ATP2B1: variants seen among roughly 807,000 people sequenced by gnomAD.
ATP2B1 encodes the protein plasma membrane calcium-transporting ATPase 1.
ATP2B1 carries 14 observed loss-of-function variants against 124.2 expected under a neutral mutation model. That is an observed-to-expected ratio of 0.11 (90% confidence interval 0.07 to 0.18). ATP2B1 has a LOEUF of 0.18. Ranked by LOEUF, ATP2B1 falls within the 10% of genes least tolerant of loss-of-function variation. The pLI, the probability that ATP2B1 is intolerant of heterozygous loss-of-function variation, is 1.00. For synonymous variants in ATP2B1, 449 were observed against 492.4 expected (o/e 0.91, Z 1.17); for missense variants, 763 against 1,466.1 (o/e 0.52, Z 7.83).
chr12:89,650,758 T>C (rs1338388266), intron 2 of ATP2B1, among the ~76,000 whole-genome samples: 1 of 152,190 alleles, frequency 6.6e-6, no homozygotes, highest in Non-Finnish European at 1.5e-5. Context: ...GAGGCCTGTA[T>C]ACCAGAAACC....
At chr12:89,643,120 ATACACGTATATATG>A (rs1883863613) in intron 2 of ATP2B1, among the ~76,000 whole-genome samples, 2 of 150,204 alleles carry the variant, frequency 1.3e-5, no homozygotes, top group African/African-American at 4.9e-5. Flanking sequence ...ATATACGTAT[ATACACGTATATATG>A]TATATACACG....
At position 89,588,088 on chromosome 12, in the gene ATP2B1, A is replaced by G. The variant is rs1258878452; in HGVS notation, c.*2896T>C. On this transcript the variant is annotated 3_prime_UTR_variant, in exon 21 of 21. Transcript: ENST00000428670. ...AACAGTATATTTATTAAATGAGTTAAGACAAATAAACTTTACAAATAGACA... is the reference window on the plus strand; with the variant it reads ...AACAGTATATTTATTAAATGAGTTAGGACAAATAAACTTTACAAATAGACA... 6.6e-6 allele frequency: 1 copy of G among 152,658 alleles called. No individual in the cohort carries two copies. Among genetic ancestry groups the G allele is most frequent in the Non-Finnish European group, 1.5e-5 (1 of 68,030 alleles). 9.5% of individuals were successfully genotyped at this position (152,658 alleles called of 1,614,324 possible). A position where few individuals can be genotyped will look rare whatever the true frequency, so the allele number is the denominator to read the frequency against.
At chr12:89,655,419 T>C (rs1053433059) in intron 2 of ATP2B1, among the ~76,000 whole-genome samples, 2 of 152,166 alleles carry the variant, frequency 1.3e-5, no homozygotes, top group South Asian at 4.1e-4. Context: ...CTTTTTATCA[T>C]AAACAGGAAG....
At chr12:89,672,148 TTTC>T (rs1388984278) in intron 1 of ATP2B1, among the ~76,000 whole-genome samples, 1 of 152,248 alleles carries the variant, frequency 6.6e-6, no homozygotes, top group Non-Finnish European at 1.5e-5. Context: ...TGGTTTCATT[TTTC>T]TTATGTGTAA....
rs552273588 is a variant in ATP2B1 at position 89,672,795 on chromosome 12, C to A, written c.-221-16688G>T. 1.6e-4 allele frequency among the ~76,000 whole-genome samples: 25 copies of A among 152,280 alleles called. No homozygotes were observed. The South Asian group carries it at 3.5e-3, about 21-fold the overall frequency. On this transcript the variant is annotated intron_variant, in intron 1 of 20. Coordinates refer to ENST00000428670, the MANE Select transcript of ATP2B1 (RefSeq NM_001366521.1). Reference sequence around the variant, plus strand: ...ATAGATTTATATTTATAAACACTACCTGTACCCTTCATTACCCAACTACTG... The same window carrying A: ...ATAGATTTATATTTATAAACACTACATGTACCCTTCATTACCCAACTACTG...
intron 19 of ATP2B1, among the ~76,000 whole-genome samples, 187 bp from the exon 20 acceptor site, chr12:89,599,486 G>T (rs1170307319): frequency 6.6e-6 from 1 of 152,088 alleles, no homozygotes. Flanking sequence ...CTACACAAAA[G>T]ATTTGAGTTT....
At chr12:89,593,224 A>T (rs1873929464) in intron 20 of ATP2B1, 1 of 152,110 alleles carries the variant, frequency 6.6e-6, no homozygotes, top group Non-Finnish European at 1.5e-5. Flanking sequence ...ACATGTGAAC[A>T]TTCAGCAAGT....
At chr12:89,665,597 A>G (rs968562753) in intron 1 of ATP2B1, among the ~76,000 whole-genome samples, 1 of 152,232 alleles carries the variant, frequency 6.6e-6, no homozygotes, top group Non-Finnish European at 1.5e-5. Context: ...AGAACATACT[A>G]TATCTCCAGT....
rs1441543485 is a variant in ATP2B1, at chr12:89,708,690, A to G, written c.-316T>C. On this transcript the variant is annotated 5_prime_UTR_variant, in exon 1 of 21. Transcript: ENST00000428670. ...TAAGGGGCAGCGGGAAACGCAGAGGATGGGGGCTCCGTCCTCAGCGCGTCC... is the reference window on the plus strand; with the variant it reads ...TAAGGGGCAGCGGGAAACGCAGAGGGTGGGGGCTCCGTCCTCAGCGCGTCC... 1 of 151,602 alleles carries G rather than the reference A, an allele frequency of 6.6e-6. No homozygotes were observed. The highest frequency in any genetic ancestry group is 6.6e-5 in the Admixed American group (1 of 15,244). The allele number at this position is 151,602 out of a possible 1,614,324, so 9.4% of individuals were successfully genotyped here. A position where few individuals can be genotyped will look rare whatever the true frequency, so the allele number is the denominator to read the frequency against.
rs780881059 is a variant in ATP2B1, at chr12:89,608,514, TA to T, written c.2442+1422del. On this transcript the variant is annotated intron_variant, in intron 15 of 20. Transcript: ENST00000428670. ...AATTTAGACTTTTGATGTTATCATTTAAAAAAAAAAAAAGTGGTATAACTGG... is the reference window on the plus strand; with the variant it reads ...AATTTAGACTTTTGATGTTATCATTTAAAAAAAAAAAAGTGGTATAACTGG... 5.0e-3 allele frequency among the ~76,000 whole-genome samples: 715 copies of T among 142,214 alleles called. 2 individuals are homozygous for T. The highest frequency in any genetic ancestry group is 7.4e-3 in the Admixed American group (106 of 14,256). The allele number at this position is 142,214 out of a possible 152,430, so 93.3% of individuals were successfully genotyped here. A position where few individuals can be genotyped will look rare whatever the true frequency, so the allele number is the denominator to read the frequency against.
At chr12:89,662,312 T>A (rs952069447) in intron 1 of ATP2B1, among the ~76,000 whole-genome samples, 2 of 152,140 alleles carry the variant, frequency 1.3e-5, no homozygotes, top group African/African-American at 2.4e-5. Context: ...ACTGTAAACT[T>A]AAATATAAGT....
intron 1 of ATP2B1, among the ~76,000 whole-genome samples, chr12:89,707,613 G>A (rs927326817): frequency 6.6e-6 from 1 of 152,150 alleles, no homozygotes; most frequent in Non-Finnish European, 1.5e-5. Flanking sequence ...TCAGCCTGTC[G>A]AGGAGGGTCG....
Position 89,610,050 on chromosome 12 carries a change from T to A in ATP2B1, c.2336-7A>T. ...ACAGTGCTGTCAATTATACCTTAAA[T>A]ACAAGCAAATATTTGTGTTATAAAA... On this transcript the variant is annotated splice_polypyrimidine_tract_variant and splice_region_variant and intron_variant, in intron 14 of 20. Coordinates refer to ENST00000428670, the MANE Select transcript of ATP2B1 (RefSeq NM_001366521.1). 6.2e-7 allele frequency: 1 copy of A among 1,602,166 alleles called. No homozygotes were observed. Among genetic ancestry groups the A allele is most frequent in the Admixed American group, 1.7e-5 (1 of 59,618 alleles).
chr12:89,696,972 C>T (rs1206218511), intron 1 of ATP2B1, among the ~76,000 whole-genome samples: 1 of 139,574 alleles, frequency 7.2e-6, no homozygotes, highest in African/African-American at 2.7e-5. Context: ...GGCATGTTAA[C>T]AAAAGAACAT....
intron 1 of ATP2B1, among the ~76,000 whole-genome samples, chr12:89,696,699 A>G (rs1891176131): frequency 6.6e-6 from 1 of 152,200 alleles, no homozygotes; most frequent in Non-Finnish European, 1.5e-5. Context: ...TCTAACTGGT[A>G]AAAAGGTTAT....
At chr12:89,646,378 G>A (rs1193742587) in intron 2 of ATP2B1, among the ~76,000 whole-genome samples, 1 of 152,070 alleles carries the variant, frequency 6.6e-6, no homozygotes, top group Non-Finnish European at 1.5e-5. Flanking sequence ...AGACAAGAAG[G>A]GAGCTAGGCT....
intron 2 of ATP2B1, 116 bp from the exon 3 acceptor site, chr12:89,642,471 C>T: frequency 9.9e-7 from 1 of 1,005,448 alleles, no homozygotes; most frequent in African/African-American, 1.6e-5. Flanking sequence ...TGTTTACTTT[C>T]ATGCTTTAAG....
intron 1 of ATP2B1, among the ~76,000 whole-genome samples, chr12:89,678,017 C>CAT (rs1457710792): frequency 1.5e-5 from 2 of 137,680 alleles, no homozygotes; most frequent in African/African-American, 2.8e-5. Context: ...CACACACACA[C>CAT]ATATACAGAA....
At chr12:89,613,771 T>G (rs1460417670) in intron 12 of ATP2B1, among the ~76,000 whole-genome samples, 2 of 152,208 alleles carry the variant, frequency 1.3e-5, no homozygotes, top group East Asian at 3.8e-4. Context: ...ATTTATTAAC[T>G]GCCTACTAGT....
Sources: gnomAD v4.1 joint callset for allele counts (sites outside exome capture counted in the v4.1 genomes callset) on GRCh38, gnomAD v4.1.1 for gene constraint, MANE v1.5 for transcripts, NCBI Gene and HGNC (gene_info 2026-07-23, HGNC 2026-07-21) for gene names.